The following SLC44A1 variants were observed in gnomAD, a reference collection of about 807,000 sequenced individuals.
SLC44A1 encodes the protein solute carrier family 44 member 1, also known as choline transporter-like protein 1.
In SLC44A1, 26 loss-of-function variants were observed where a neutral mutation model predicts 79.3. The ratio of observed to expected loss-of-function variants is 0.33; its 90% CI spans 0.24 to 0.46. SLC44A1 has a LOEUF of 0.46. Among genes scored for constraint, SLC44A1 ranks in the 20% least tolerant of loss-of-function variants. The pLI is 1.00. For missense variants in SLC44A1, 688 were observed against 798.1 expected (o/e 0.86, Z 1.66); for synonymous variants, 263 against 286.2 (o/e 0.92, Z 0.82).
chr9:105,252,914 A>G (rs1829623210), intron 1 of SLC44A1, among the ~76,000 whole-genome samples: 1 of 152,324 alleles, frequency 6.6e-6, no homozygotes, highest in Non-Finnish European at 1.5e-5. Flanking sequence ...TTTTTTGGCA[A>G]TTTAAAAAAC....
intron 4 of SLC44A1, among the ~76,000 whole-genome samples, chr9:105,341,934 C>T (rs1827105260): frequency 6.6e-6 from 1 of 152,146 alleles, no homozygotes; most frequent in South Asian, 2.1e-4. Flanking sequence ...CTTAAGCCCT[C>T]TTGTTTGTAC....
intron 2 of SLC44A1, among the ~76,000 whole-genome samples, chr9:105,305,122 C>A (rs989689720): frequency 6.6e-6 from 1 of 151,280 alleles, no homozygotes; most frequent in Non-Finnish European, 1.5e-5. Flanking sequence ...AGGCATGTGC[C>A]ACCATGTCTG....
At chr9:105,356,071 A>G in intron 5 of SLC44A1, 141 bp from the exon 6 acceptor site, 1 of 661,884 alleles carries the variant, frequency 1.5e-6, no homozygotes, top group Non-Finnish European at 2.6e-6. Context: ...AGCATTAAGC[A>G]CACAGCTCTT....
intron 1 of SLC44A1, among the ~76,000 whole-genome samples, chr9:105,260,846 A>G (rs1056386990): frequency 2.0e-5 from 3 of 152,208 alleles, no homozygotes; most frequent in South Asian, 2.1e-4. Flanking sequence ...TTAAACTCCA[A>G]ATGACCATTC....
intron 13 of SLC44A1, among the ~76,000 whole-genome samples, chr9:105,378,906 C>T (rs1828374965): frequency 6.6e-6 from 1 of 152,194 alleles, no homozygotes; most frequent in Non-Finnish European, 1.5e-5. Flanking sequence ...TACATATCAA[C>T]TTGAATGAAT....
chr9:105,389,229 T>A lies in SLC44A1; in HGVS notation c.*173T>A. 7.7e-7 allele frequency: 1 copy of A among 1,293,064 alleles called. No homozygotes were observed. The highest frequency in any genetic ancestry group is 1.5e-5 in the African/African-American group (1 of 66,816). The allele number at this position is 1,293,064 out of a possible 1,614,324, so 80.1% of individuals were successfully genotyped here. ...AAAATCAGAGAAAAGGAACAGGGAT[T>A]TAATACCTTTTTTATGCTTATTTTT... On this transcript the variant is annotated 3_prime_UTR_variant, in exon 16 of 16. Transcript: ENST00000374720.
At chr9:105,422,022 C>T (rs961823429) in intron 15 of SLC44A1, among the ~76,000 whole-genome samples, 1 of 152,212 alleles carries the variant, frequency 6.6e-6, no homozygotes, top group African/African-American at 2.4e-5. Context: ...AAGTGTTTCA[C>T]TGAGTGCCAG....
chr9:105,268,179 A>G (rs1004356842), intron 1 of SLC44A1, among the ~76,000 whole-genome samples: 26 of 152,162 alleles, frequency 1.7e-4, no homozygotes, highest in African/African-American at 5.3e-4. Flanking sequence ...ATGCAACCCA[A>G]TGAATCCTTC....
chr9:105,421,898 T>C (rs1014937571), intron 15 of SLC44A1, among the ~76,000 whole-genome samples: 1 of 152,200 alleles, frequency 6.6e-6, no homozygotes, highest in Non-Finnish European at 1.5e-5. Context: ...GGAATCTGCT[T>C]TGAATTCCTT....
intron 15 of SLC44A1, among the ~76,000 whole-genome samples, chr9:105,387,060 A>AAAAAAAATATATATATAT (rs34780893): frequency 1.3e-4 from 1 of 7,714 alleles, no homozygotes; most frequent in African/African-American, 4.1e-4. Context: ...AAAAAAAAAA[A>AAAAAAAATATATATATAT]ATATATATAT....
chr9:105,395,279 C>A lies in SLC44A1; in HGVS notation c.*6223C>A. 1 of 756,512 alleles carries A rather than the reference C, an allele frequency of 1.3e-6. No homozygotes were observed. The highest frequency in any genetic ancestry group is 1.6e-6 in the Non-Finnish European group (1 of 621,418). The allele number at this position is 756,512 out of a possible 1,614,324, so 46.9% of individuals were successfully genotyped here. A position where few individuals can be genotyped will look rare whatever the true frequency, so the allele number is the denominator to read the frequency against. On this transcript the variant is annotated 3_prime_UTR_variant, in exon 16 of 16. Coordinates refer to ENST00000374720, the MANE Select transcript of SLC44A1 (RefSeq NM_080546.5). Reference sequence around the variant, plus strand: ...CTATCGCCAGCTTAGAGTGCAGTGGCTCAATCTTAGCTCACTGCAACCTCC... The same window carrying A: ...CTATCGCCAGCTTAGAGTGCAGTGGATCAATCTTAGCTCACTGCAACCTCC...
chr9:105,394,684 A>G lies in SLC44A1; in HGVS notation c.*5628A>G, dbSNP rs1417707564. On this transcript the variant is annotated 3_prime_UTR_variant, in exon 16 of 16. Transcript: ENST00000374720. ...ATATTTGTCAACATGTCCAGTTCCA[A>G]CAACAGTTGAAGATGATGATAAATT... The G allele has an allele frequency of 2.0e-6, 2 of 985,276 alleles. No homozygotes were observed. The highest frequency in any genetic ancestry group is 1.2e-6 in the Non-Finnish European group (1 of 829,910). 61.0% of individuals were successfully genotyped at this position (985,276 alleles called of 1,614,324 possible).
At chr9:105,422,477 C>T (rs776846129) in intron 15 of SLC44A1, among the ~76,000 whole-genome samples, 3 of 151,658 alleles carry the variant, frequency 2.0e-5, no homozygotes, top group Admixed American at 6.6e-5. Context: ...TTAGTAGAGA[C>T]GGGGTTTCAC....
At chr9:105,417,061 C>T (rs561909871) in intron 15 of SLC44A1, among the ~76,000 whole-genome samples, 4 of 152,308 alleles carry the variant, frequency 2.6e-5, no homozygotes, top group South Asian at 2.1e-4. Flanking sequence ...TTTAACAGAG[C>T]TGAATTTCTG....
intron 13 of SLC44A1, among the ~76,000 whole-genome samples, chr9:105,375,963 C>T (rs1240727654): frequency 1.3e-5 from 2 of 151,872 alleles, no homozygotes; most frequent in Admixed American, 6.6e-5. Flanking sequence ...CTGTTTGTCC[C>T]GCCCATTTCT....
Position 105,392,862 on chromosome 9 carries a change from C to A in SLC44A1, c.*3806C>A, listed in dbSNP as rs1235521146. The A allele has an allele frequency of 3.0e-6, 3 of 985,102 alleles. No homozygotes were observed. The highest frequency in any genetic ancestry group is 2.4e-6 in the Non-Finnish European group (2 of 829,790). The allele number at this position is 985,102 out of a possible 1,614,324, so 61.0% of individuals were successfully genotyped here. A position where few individuals can be genotyped will look rare whatever the true frequency, so the allele number is the denominator to read the frequency against. On this transcript the variant is annotated 3_prime_UTR_variant, in exon 16 of 16. Coordinates refer to ENST00000374720, the MANE Select transcript of SLC44A1 (RefSeq NM_080546.5). Reference sequence around the variant, plus strand: ...TCATTTAAATTGGACTTTCCAATAGCCTTAACATGGCCTCTGAGAAGTTTC... The same window carrying A: ...TCATTTAAATTGGACTTTCCAATAGACTTAACATGGCCTCTGAGAAGTTTC...
intron 1 of SLC44A1, among the ~76,000 whole-genome samples, chr9:105,287,131 T>C (rs1359220692): frequency 6.6e-6 from 1 of 152,228 alleles, no homozygotes; most frequent in East Asian, 1.9e-4. Flanking sequence ...ATTGAATGAA[T>C]GGATTTTTAA....
chr9:105,266,732 G>A (rs556999624), intron 1 of SLC44A1, among the ~76,000 whole-genome samples: 1 of 152,130 alleles, frequency 6.6e-6, no homozygotes, highest in Non-Finnish European at 1.5e-5. Flanking sequence ...TTGAAATCAG[G>A]TTATGTGAGT....
intron 3 of SLC44A1, among the ~76,000 whole-genome samples, chr9:105,312,837 C>T (rs928050656): frequency 6.6e-6 from 1 of 152,038 alleles, no homozygotes; most frequent in Non-Finnish European, 1.5e-5. Context: ...TATTCTTGGT[C>T]GTCTTATCTC....
Sources: gnomAD v4.1 joint callset for allele counts (sites outside exome capture counted in the v4.1 genomes callset) on GRCh38, gnomAD v4.1.1 for gene constraint, MANE v1.5 for transcripts, NCBI Gene and HGNC (gene_info 2026-07-23, HGNC 2026-07-21) for gene names.